SLC20A2: variants seen among roughly 807,000 people sequenced by gnomAD.
SLC20A2 encodes sodium-dependent phosphate transporter 2.
In SLC20A2, 30 loss-of-function variants were observed where a neutral mutation model predicts 61.0. The ratio of observed to expected loss-of-function variants is 0.49; its 90% CI spans 0.37 to 0.67. The LOEUF (loss-of-function observed/expected upper bound fraction) is 0.67. Ranked by LOEUF, SLC20A2 falls within the 30% of genes least tolerant of loss-of-function variation. SLC20A2 has a pLI of 0.00. For missense variants in SLC20A2, 626 were observed against 866.4 expected (o/e 0.72, Z 3.48); for synonymous variants, 351 against 353.3 (o/e 0.99, Z 0.07).
intron 8 of SLC20A2, among the ~76,000 whole-genome samples, chr8:42,430,857 CTATTA>C (rs895928459): frequency 2.6e-5 from 4 of 152,052 alleles, no homozygotes; most frequent in African/African-American, 2.4e-5. Flanking sequence ...TTTTATGTTA[CTATTA>C]TAATTGTTTT....
At chr8:42,457,073 G>A (rs907900277) in intron 5 of SLC20A2, among the ~76,000 whole-genome samples, 5 of 151,750 alleles carry the variant, frequency 3.3e-5, no homozygotes, top group East Asian at 2.0e-4. Flanking sequence ...ACAGGTGCCC[G>A]CCACCATGAC....
At chr8:42,516,183 A>G (rs1332803875) in intron 1 of SLC20A2, among the ~76,000 whole-genome samples, 1 of 152,268 alleles carries the variant, frequency 6.6e-6, no homozygotes, top group Non-Finnish European at 1.5e-5. Context: ...CAGGTGGAAC[A>G]GCAGAGTAAC....
chr8:42,460,040 A>AT (rs1220127257), intron 4 of SLC20A2, 48 bp from the exon 5 acceptor site: 2 of 1,055,292 alleles, frequency 1.9e-6, no homozygotes, highest in South Asian at 2.6e-5. Flanking sequence ...TCCCAGCAGC[A>AT]TTTGGAGCCA....
chr8:42,429,986 G>A lies in SLC20A2; in HGVS notation c.1709+78C>T, dbSNP rs1009250214. 4.8e-5 allele frequency: 64 copies of A among 1,331,700 alleles called. No homozygotes were observed. In the Middle Eastern group the frequency reaches 8.2e-4, roughly 17 times the overall value. The allele number at this position is 1,331,700 out of a possible 1,614,324, so 82.5% of individuals were successfully genotyped here. A position where few individuals can be genotyped will look rare whatever the true frequency, so the allele number is the denominator to read the frequency against. Reference sequence around the variant, plus strand: ...GCCAACTGCCAGTGCTGAGCAGGCCGTTCAGACACAGCCGGGAAGCTCTAC... The same window carrying A: ...GCCAACTGCCAGTGCTGAGCAGGCCATTCAGACACAGCCGGGAAGCTCTAC... On this transcript the variant is annotated intron_variant, in intron 9 of 10. Coordinates refer to ENST00000520262, the MANE Select transcript of SLC20A2 (RefSeq NM_001257180.2).
upstream of SLC20A2, chr8:42,502,216 T>C (rs1306682439): frequency 1.3e-5 from 2 of 152,028 alleles, no homozygotes; most frequent in African/African-American, 4.8e-5. Flanking sequence ...TTCAACGACT[T>C]CAACCAACCC....
chr8:42,417,949 C>T lies in SLC20A2; in HGVS notation c.1813G>A (p.Val605Met), dbSNP rs1320560354. The T allele has an allele frequency of 2.5e-6, 4 of 1,613,594 alleles. No homozygotes were observed. Among genetic ancestry groups the T allele is most frequent in the African/African-American group, 1.3e-5 (1 of 75,006 alleles). The change falls in exon 11 of 11, where the codon GTG becomes ATG. Residue 605 changes from valine to methionine, a missense_variant. Physicochemically the swap from Val to Met is conservative, Grantham distance 21. This residue lies in a region of SLC20A2 where 138 missense variants were observed against 228.7 expected (regional missense o/e 0.60). Coordinates refer to ENST00000520262, the MANE Select transcript of SLC20A2 (RefSeq NM_001257180.2). ...GCCTTGCGGGAGCGGATCCAGCCCA[C>T]GGCCACCACCGAGCCCACCTGTGGG... ...THCKVGSVVA[V>M]GWIRSRKAVD...
chr8:42,460,397 C>T (rs959786526), intron 4 of SLC20A2, among the ~76,000 whole-genome samples: 2 of 152,238 alleles, frequency 1.3e-5, no homozygotes, highest in Non-Finnish European at 2.9e-5. Context: ...TAACTGGCTA[C>T]ATTCAACAAA....
At chr8:42,421,391 G>A (rs1470681409) in intron 10 of SLC20A2, among the ~76,000 whole-genome samples, 1 of 152,120 alleles carries the variant, frequency 6.6e-6, no homozygotes, top group African/African-American at 2.4e-5. Flanking sequence ...CAATTATGGT[G>A]GCAGTTTTTT....
intron 1 of SLC20A2, among the ~76,000 whole-genome samples, chr8:42,524,559 G>A (rs997318605): frequency 2.0e-5 from 3 of 151,976 alleles, no homozygotes; most frequent in Non-Finnish European, 4.4e-5. Flanking sequence ...AGGCCGAGTC[G>A]GGCAGATCAC....
intron 5 of SLC20A2, among the ~76,000 whole-genome samples, chr8:42,446,185 G>A (rs985692092): frequency 3.3e-5 from 5 of 152,108 alleles, no homozygotes; most frequent in Middle Eastern, 3.2e-3. Flanking sequence ...ATCAACTTAC[G>A]GAATTACAGT....
At chr8:42,424,312 G>A (rs1433316223) in intron 10 of SLC20A2, among the ~76,000 whole-genome samples, 1 of 145,284 alleles carries the variant, frequency 6.9e-6, no homozygotes, top group East Asian at 2.0e-4. Context: ...TTCAATTAAG[G>A]CTTTTTTTGG....
At chr8:42,496,053 T>TTTGAATGGAG in intron 1 of SLC20A2, among the ~76,000 whole-genome samples, 1 of 152,204 alleles carries the variant, frequency 6.6e-6, no homozygotes, top group African/African-American at 2.4e-5. Context: ...CCCGGCCAGA[T>TTTGAATGGAG]CCCATTTTCA....
In SLC20A2 at chr8:42,416,671, G is replaced by T. The variant is rs1413722646; in HGVS notation, c.*1132C>A. On this transcript the variant is annotated 3_prime_UTR_variant, in exon 11 of 11. Coordinates refer to ENST00000520262, the MANE Select transcript of SLC20A2 (RefSeq NM_001257180.2). ...CAATGGGATGGAGTAGAGCCTGGGGGTGTCCAGCTTTGTGTGGGCCTCAGA... is the reference window on the plus strand; with the variant it reads ...CAATGGGATGGAGTAGAGCCTGGGGTTGTCCAGCTTTGTGTGGGCCTCAGA... 6.6e-6 allele frequency: 1 copy of T among 152,600 alleles called. No homozygotes were observed. The highest frequency in any genetic ancestry group is 1.5e-5 in the Non-Finnish European group (1 of 68,032). 9.5% of individuals were successfully genotyped at this position (152,600 alleles called of 1,614,324 possible). A position where few individuals can be genotyped will look rare whatever the true frequency, so the allele number is the denominator to read the frequency against.
At chr8:42,445,161 G>T (rs560053134) in intron 5 of SLC20A2, among the ~76,000 whole-genome samples, 1 of 151,838 alleles carries the variant, frequency 6.6e-6, no homozygotes, top group Non-Finnish European at 1.5e-5. Flanking sequence ...GCGTGGTGGC[G>T]CATGCCTGTA....
At chr8:42,505,154 C>A (rs929049206), upstream of SLC20A2, among the ~76,000 whole-genome samples, 1 of 151,670 alleles carries the variant, frequency 6.6e-6, no homozygotes, top group Non-Finnish European at 1.5e-5. Flanking sequence ...TGTCGCCCAG[C>A]CTGGAGTGCA....
intron 8 of SLC20A2, among the ~76,000 whole-genome samples, chr8:42,434,501 G>A (rs1208876074): frequency 1.3e-5 from 2 of 152,130 alleles, no homozygotes; most frequent in African/African-American, 4.8e-5. Context: ...AGCCAGCTGT[G>A]TAGACTGGGT....
chr8:42,447,448 C>A (rs552688738), intron 5 of SLC20A2, among the ~76,000 whole-genome samples: 1 of 151,982 alleles, frequency 6.6e-6, no homozygotes, highest in Non-Finnish European at 1.5e-5. Context: ...GAGGCCAAGG[C>A]GGGCAGATCA....
rs1291233101 is a variant in SLC20A2, at chr8:42,520,653, G to A, written c.-265+21168C>T. ...AGGCAGGAGAAGGGCGTGAACCCGGGAGGCGGAGCTTGCAGTGAGCTGAGA... is the reference window on the plus strand; with the variant it reads ...AGGCAGGAGAAGGGCGTGAACCCGGAAGGCGGAGCTTGCAGTGAGCTGAGA... On this transcript the variant is annotated intron_variant, in intron 1 of 10. Transcript: ENST00000342228. Among the ~76,000 whole-genome samples, 6 of 116,856 alleles carry A rather than the reference G, an allele frequency of 5.1e-5. 1 individual carries two copies. Among genetic ancestry groups the A allele is most frequent in the Non-Finnish European group, 8.2e-5 (4 of 48,798 alleles). 76.7% of individuals were successfully genotyped at this position (116,856 alleles called of 152,430 possible). A position where few individuals can be genotyped will look rare whatever the true frequency, so the allele number is the denominator to read the frequency against.
At chr8:42,510,173 AC>A (rs1379966333) in intron 1 of SLC20A2, among the ~76,000 whole-genome samples, 1 of 152,258 alleles carries the variant, frequency 6.6e-6, no homozygotes, top group Non-Finnish European at 1.5e-5. Context: ...AAAGGAAAGT[AC>A]TAAGGATAGT....
Sources: allele counts gnomAD v4.1 joint callset (sites outside exome capture counted in the v4.1 genomes callset), GRCh38; gene constraint gnomAD v4.1.1; regional missense constraint gnomAD v4.1.1; transcripts MANE v1.5; gene names NCBI Gene and HGNC (gene_info 2026-07-23, HGNC 2026-07-21).